The following PLPP4 variants were observed in gnomAD, a reference collection of about 807,000 sequenced individuals.
The protein encoded by PLPP4 is diacylglycerol pyrophosphate like 2.
PLPP4 carries 20 observed loss-of-function variants against 32.2 expected under a neutral mutation model. That is an observed-to-expected ratio of 0.62 (90% CI 0.44 to 0.90). The LOEUF is 0.90. Ranked by LOEUF, PLPP4 falls within the 40% of genes least tolerant of loss-of-function variation. The pLI is 0.00. For missense variants in PLPP4, 257 were observed against 353.1 expected (o/e 0.73, Z 2.18); for synonymous variants, 127 against 133.0 (o/e 0.95, Z 0.31).
At chr10:120,579,882 C>T (rs562119626) in intron 6 of PLPP4, among the ~76,000 whole-genome samples, 1 of 149,810 alleles carries the variant, frequency 6.7e-6, no homozygotes, top group Admixed American at 6.7e-5. Flanking sequence ...CCGAGGCGGG[C>T]AGATCACGAG....
At chr10:120,581,003 C>A (rs905168159) in intron 6 of PLPP4, 10 of 1,289,324 alleles carry the variant, frequency 7.8e-6, no homozygotes, top group Non-Finnish European at 1.0e-5. Flanking sequence ...TAAGTCCACC[C>A]GCCTCTGTGT....
intron 1 of PLPP4, among the ~76,000 whole-genome samples, chr10:120,469,111 G>A (rs1848406547): frequency 1.6e-5 from 1 of 64,360 alleles, no homozygotes; most frequent in African/African-American, 3.3e-5. Context: ...TGAACACACA[G>A]AATATTATCT....
intron 1 of PLPP4, among the ~76,000 whole-genome samples, chr10:120,493,665 C>G (rs1844821585): frequency 6.6e-6 from 1 of 152,174 alleles, no homozygotes; most frequent in Non-Finnish European, 1.5e-5. Flanking sequence ...CCCCCCCCAT[C>G]CTACCCCAGT....
chr10:120,488,246 A>G (rs1319590590), intron 1 of PLPP4, among the ~76,000 whole-genome samples: 1 of 152,224 alleles, frequency 6.6e-6, no homozygotes, highest in Non-Finnish European at 1.5e-5. Context: ...CACATTTATT[A>G]TCTTATTTGA....
At chr10:120,526,281 C>A (rs1380367138) in intron 5 of PLPP4, among the ~76,000 whole-genome samples, 5 of 152,046 alleles carry the variant, frequency 3.3e-5, no homozygotes, top group Non-Finnish European at 7.4e-5. Context: ...TCATGTGTGC[C>A]CTGCCTTCCC....
chr10:120,495,772 T>C (rs1844933774), intron 1 of PLPP4, among the ~76,000 whole-genome samples: 1 of 152,114 alleles, frequency 6.6e-6, no homozygotes, highest in African/African-American at 2.4e-5. Flanking sequence ...CTCACTACCC[T>C]CGGGTGGGGC....
chr10:120,542,499 C>T (rs375248468), intron 5 of PLPP4, among the ~76,000 whole-genome samples: 48 of 152,260 alleles, frequency 3.2e-4, no homozygotes, highest in African/African-American at 1.1e-3. Context: ...ACCACTGTTT[C>T]CTGGGTCTCC....
chr10:120,558,414 T>TC (rs1361363389), intron 5 of PLPP4, among the ~76,000 whole-genome samples: 5 of 140,198 alleles, frequency 3.6e-5, no homozygotes, highest in Admixed American at 7.1e-5. Flanking sequence ...TTTCTTTCTT[T>TC]TTTTTTTTTT....
At chr10:120,457,213 T>G, upstream of PLPP4, 1 of 1,015,822 alleles carries the variant, frequency 9.8e-7, no homozygotes, top group South Asian at 4.3e-5. Context: ...CGCGCCTCCC[T>G]CGCCTCCCAG....
At chr10:120,488,875 C>T (rs1010373644) in intron 1 of PLPP4, among the ~76,000 whole-genome samples, 2 of 152,180 alleles carry the variant, frequency 1.3e-5, no homozygotes, top group African/African-American at 4.8e-5. Flanking sequence ...AGCTGAATGA[C>T]TTTGGGCAGG....
At chr10:120,552,207 T>A (rs910720498) in intron 5 of PLPP4, among the ~76,000 whole-genome samples, 4 of 142,416 alleles carry the variant, frequency 2.8e-5, no homozygotes, top group African/African-American at 1.0e-4. Context: ...TGTGTGTGTG[T>A]GATGTTATGT....
intron 5 of PLPP4, among the ~76,000 whole-genome samples, chr10:120,558,452 A>T (rs1407677441): frequency 7.0e-6 from 1 of 141,958 alleles, no homozygotes; most frequent in Non-Finnish European, 1.5e-5. Flanking sequence ...TCTGTCACTC[A>T]GACTGGAGTG....
At chr10:120,543,881 T>A (rs970709654) in intron 5 of PLPP4, among the ~76,000 whole-genome samples, 1 of 152,220 alleles carries the variant, frequency 6.6e-6, no homozygotes, top group Non-Finnish European at 1.5e-5. Context: ...TTGTTGTGAC[T>A]GTTTTCTTTC....
rs59053654 is a variant in PLPP4, at chr10:120,483,121, C to T, written c.57-20697C>T. Among the ~76,000 whole-genome samples, 1,208 of 152,288 alleles carry T rather than the reference C, an allele frequency of 7.9e-3. 24 individuals are homozygous for T. Among genetic ancestry groups the T allele is most frequent in the African/African-American group, 0.027 (1,129 of 41,564 alleles). On this transcript the variant is annotated intron_variant, in intron 1 of 6. Coordinates refer to ENST00000398250, the MANE Select transcript of PLPP4 (RefSeq NM_001030059.3). ...TCTCCCATGCTGAATGCTGCCTGCC[C>T]TCGAACATCAGACTGCAAGTTCTTC...
chr10:120,587,364 G>C (rs1016495840), intron 6 of PLPP4: 1 of 152,144 alleles, frequency 6.6e-6, no homozygotes, highest in Admixed American at 6.5e-5. Context: ...CAGCGTACTG[G>C]GCCCCTGGTC....
At chr10:120,462,767 G>A (rs927874947) in intron 1 of PLPP4, among the ~76,000 whole-genome samples, 2 of 147,750 alleles carry the variant, frequency 1.4e-5, no homozygotes, top group Non-Finnish European at 3.1e-5. Flanking sequence ...TTTTGAACAG[G>A]GGCTCCTTCC....
In PLPP4 at chr10:120,487,351, T is replaced by C. The variant is rs114201557; in HGVS notation, c.57-16467T>C. On this transcript the variant is annotated intron_variant, in intron 1 of 6. Transcript: ENST00000398250. ...AGGCAACTCTTCCGCTGATGTGGTGTGTAGTGATTTAGGTGAACCTTTGGT... is the reference window on the plus strand; with the variant it reads ...AGGCAACTCTTCCGCTGATGTGGTGCGTAGTGATTTAGGTGAACCTTTGGT... Among the ~76,000 whole-genome samples, 828 of 152,356 alleles carry C rather than the reference T, an allele frequency of 5.4e-3. 8 individuals are homozygous for C. Among genetic ancestry groups the C allele is most frequent in the African/African-American group, 0.019 (790 of 41,586 alleles).
intron 5 of PLPP4, among the ~76,000 whole-genome samples, chr10:120,560,254 T>G (rs1262213671): frequency 6.6e-6 from 1 of 150,806 alleles, no homozygotes; most frequent in Non-Finnish European, 1.5e-5. Flanking sequence ...GTACTGACTA[T>G]GCACTATAGG....
At chr10:120,562,256 T>G (rs1279224443) in intron 5 of PLPP4, among the ~76,000 whole-genome samples, 2 of 152,188 alleles carry the variant, frequency 1.3e-5, no homozygotes, top group Non-Finnish European at 2.9e-5. Flanking sequence ...TGTCCAGAAA[T>G]GCTGGTGACT....
Sources: gnomAD v4.1 joint callset for allele counts (sites outside exome capture counted in the v4.1 genomes callset) on GRCh38, gnomAD v4.1.1 for gene constraint, MANE v1.5 for transcripts, NCBI Gene and HGNC (gene_info 2026-07-23, HGNC 2026-07-21) for gene names.